Variants in MPP4 observed in about 807,000 individuals in gnomAD.
MPP4 encodes the protein MAGUK p55 scaffold protein 4.
A neutral mutation model predicts 98.3 loss-of-function variants in MPP4; 91 were observed. That is an observed-to-expected ratio of 0.93 (90% CI 0.78 to 1.10). The LOEUF (loss-of-function observed/expected upper bound fraction) is 1.10, where lower values mean the gene tolerates loss of function less well. Ranked by LOEUF, MPP4 falls within the 50% of genes least tolerant of loss-of-function variation. The pLI, the probability that MPP4 is intolerant of heterozygous loss-of-function variation, is 0.00. For synonymous variants in MPP4, 261 were observed against 271.8 expected (o/e 0.96, Z 0.39); for missense variants, 744 against 792.9 (o/e 0.94, Z 0.74).
rs1688900632 is a variant in MPP4 at position 201,688,424 on chromosome 2, A to G, written c.280-1053T>C. On this transcript the variant is annotated intron_variant, in intron 4 of 21. Transcript: ENST00000409474. ...AATAAACCAGGGAAGCTGGCTAGGA[A>G]GTGCTAGGAGGGAATACAATTTTAG... Among the ~76,000 whole-genome samples, 5 of 152,250 alleles carry G rather than the reference A, an allele frequency of 3.3e-5. 1 individual carries two copies. The South Asian group carries it at 1.0e-3, about 32-fold the overall frequency.
Position 201,684,732 on chromosome 2 carries a change from C to T in MPP4, c.574+332G>A, listed in dbSNP as rs141340542. Reference sequence around the variant, plus strand: ...TTGGGAGGCTGAGGTGGGCGGATCACGAGGTCGGGAGATTGAGACCATCCT... The same window carrying T: ...TTGGGAGGCTGAGGTGGGCGGATCATGAGGTCGGGAGATTGAGACCATCCT... On this transcript the variant is annotated intron_variant, in intron 7 of 21. Coordinates refer to ENST00000409474, the MANE Select transcript of MPP4 (RefSeq NM_033066.3). Among the ~76,000 whole-genome samples the T allele has an allele frequency of 7.3e-3, 1,103 of 152,132 alleles. 8 individuals are homozygous for T. The highest frequency in any genetic ancestry group is 0.017 in the Middle Eastern group (5 of 294).
At chr2:201,649,922 G>T (rs965377756) in intron 19 of MPP4, 150 bp downstream of exon 19, 3 of 806,956 alleles carry the variant, frequency 3.7e-6, no homozygotes, top group African/African-American at 3.5e-5. Context: ...CAGTGAGTTG[G>T]TGTGCTGTAT....
At chr2:201,688,916 C>A (rs1325575120) in intron 4 of MPP4, among the ~76,000 whole-genome samples, 1 of 152,096 alleles carries the variant, frequency 6.6e-6, no homozygotes, top group African/African-American at 2.4e-5. Context: ...TGCACCCAGC[C>A]TGATGAATTT....
At chr2:201,682,505 G>A (rs1207573781) in intron 8 of MPP4, among the ~76,000 whole-genome samples, 1 of 152,198 alleles carries the variant, frequency 6.6e-6, no homozygotes, top group East Asian at 1.9e-4. Context: ...GTCTCACTCT[G>A]TCCACCCCAG....
At chr2:201,645,904 A>G (rs1197923084) in intron 21 of MPP4, among the ~76,000 whole-genome samples, 1 of 152,242 alleles carries the variant, frequency 6.6e-6, no homozygotes, top group Admixed American at 6.5e-5. Context: ...TGGGAAAAGT[A>G]TATCACTATC....
At chr2:201,651,965 A>ACAAT in intron 18 of MPP4, 1 of 945,632 alleles carries the variant, frequency 1.1e-6, no homozygotes, top group Non-Finnish European at 1.3e-6. Flanking sequence ...ACAAAACAAA[A>ACAAT]CAAACAGAAA....
In MPP4 at chr2:201,675,276, G is replaced by C. The variant is rs533175841; in HGVS notation, c.930-5C>G. On this transcript the variant is annotated splice_region_variant and splice_polypyrimidine_tract_variant and intron_variant, in intron 10 of 21. Transcript: ENST00000409474. ...CACCAGAATTCCCGTTGCTTCCTAT[G>C]GGGGGGAAAAAACCATGCGACAAAA... is the stretch of plus-strand genomic sequence containing the variant. The C allele has an allele frequency of 5.0e-6, 8 of 1,605,086 alleles. No individual in the cohort carries two copies. Among genetic ancestry groups the C allele is most frequent in the South Asian group, 1.1e-5 (1 of 88,968 alleles).
intron 11 of MPP4, among the ~76,000 whole-genome samples, chr2:201,670,268 C>A (rs956401319): frequency 1.3e-5 from 2 of 152,114 alleles, no homozygotes; most frequent in Non-Finnish European, 2.9e-5. Flanking sequence ...CAGTAGCCTG[C>A]CCCTAATTTT....
chr2:201,647,929 C>T (rs1410957854), intron 20 of MPP4, 104 bp from the exon 21 acceptor site: 20 of 1,143,888 alleles, frequency 1.7e-5, no homozygotes, highest in Non-Finnish European at 1.2e-6. Context: ...AATCACAGTT[C>T]ACTGTAGCCT....
At chr2:201,658,735 G>A (rs1210064754) in intron 15 of MPP4, among the ~76,000 whole-genome samples, 1 of 152,092 alleles carries the variant, frequency 6.6e-6, no homozygotes, top group South Asian at 2.1e-4. Context: ...GAATTTGAGC[G>A]TTACACTGAA....
intron 1 of MPP4, among the ~76,000 whole-genome samples, chr2:201,696,160 T>C (rs1033962875): frequency 4.6e-5 from 7 of 152,236 alleles, no homozygotes; most frequent in Non-Finnish European, 8.8e-5. Context: ...CCAAACACCC[T>C]GAAGTCTTCC....
chr2:201,690,087 T>C (rs1156642822), intron 4 of MPP4, 115 bp downstream of exon 4: 3 of 580,114 alleles, frequency 5.2e-6, no homozygotes, highest in Non-Finnish European at 6.0e-6. Context: ...ATTTATTAGA[T>C]GCATAGTCAT....
At position 201,666,386 on chromosome 2, in the gene MPP4, T is replaced by C. The variant is rs765046881; in HGVS notation, c.1013-14A>G. On this transcript the variant is annotated splice_polypyrimidine_tract_variant and intron_variant, in intron 12 of 21. Coordinates refer to ENST00000409474, the MANE Select transcript of MPP4 (RefSeq NM_033066.3). ...TCATGTCATCTTCTATAAAAGAGTA[T>C]AGAAAGGGAGAAACAGAATTTAAAA... The C allele has an allele frequency of 2.6e-6, 4 of 1,531,798 alleles. No individual in the cohort carries two copies. The highest frequency in any genetic ancestry group is 2.6e-6 in the Non-Finnish European group (3 of 1,137,552). 94.9% of individuals were successfully genotyped at this position (1,531,798 alleles called of 1,614,324 possible). A position where few individuals can be genotyped will look rare whatever the true frequency, so the allele number is the denominator to read the frequency against.
At chr2:201,680,765 A>T (rs1688642478) in intron 10 of MPP4, 73 bp downstream of exon 10, 13 of 1,376,988 alleles carry the variant, frequency 9.4e-6, no homozygotes, top group Non-Finnish European at 1.3e-5. Context: ...ATCTTGAGGT[A>T]ACAGAAACCC....
rs757669104 is a variant in MPP4 at position 201,682,834 on chromosome 2, A to G, written c.657T>C (p.Ile219=). 6.2e-7 allele frequency: 1 copy of G among 1,613,830 alleles called. No homozygotes were observed. Among genetic ancestry groups the G allele is most frequent in the Non-Finnish European group, 8.5e-7 (1 of 1,179,754 alleles). ...AAAAGGCAAAAAGAAGATTTACCAG[A>G]ATATGGATCACTTGTTCAGGGTCCA... ...EGLDPEQVIH[I]LAMSRGTIMF... is the part of the protein sequence containing the mutation. The change falls in exon 8 of 22, where the codon ATT becomes ATC. Residue 219 remains isoleucine (I), a synonymous_variant. Coordinates refer to ENST00000409474, the MANE Select transcript of MPP4 (RefSeq NM_033066.3).
chr2:201,676,665 C>T (rs550029464), intron 10 of MPP4, among the ~76,000 whole-genome samples: 1 of 152,078 alleles, frequency 6.6e-6, no homozygotes, highest in Non-Finnish European at 1.5e-5. Flanking sequence ...TTTGGGAGGC[C>T]GAGGCAGGCA....
At chr2:201,652,521 A>G (rs1201188793) in intron 18 of MPP4, among the ~76,000 whole-genome samples, 1 of 152,252 alleles carries the variant, frequency 6.6e-6, no homozygotes, top group African/African-American at 2.4e-5. Flanking sequence ...CTCAGGTTTA[A>G]TTTTAAAAGT....
intron 4 of MPP4, among the ~76,000 whole-genome samples, chr2:201,689,500 A>T (rs1688941788): frequency 6.6e-6 from 1 of 152,050 alleles, no homozygotes; most frequent in Admixed American, 6.6e-5. Context: ...GACACAGGAG[A>T]CCAGATAGGA....
intron 21 of MPP4, chr2:201,646,690 A>C (rs942562572): frequency 1.3e-4 from 20 of 152,248 alleles, no homozygotes; most frequent in Non-Finnish European, 2.2e-4. Context: ...AAAAATAATA[A>C]GAGAAAGGAT....
Sources: allele counts gnomAD v4.1 joint callset (sites outside exome capture counted in the v4.1 genomes callset), GRCh38; gene constraint gnomAD v4.1.1; transcripts MANE v1.5; gene names NCBI Gene and HGNC (gene_info 2026-07-23, HGNC 2026-07-21).